WDR74: variants seen among roughly 807,000 people sequenced by gnomAD.
WDR74 encodes the protein WD repeat-containing protein 74.
WDR74 carries 31 observed loss-of-function variants against 45.6 expected under a neutral mutation model. That is an observed-to-expected ratio of 0.68 (90% confidence interval 0.51 to 0.92). The LOEUF (loss-of-function observed/expected upper bound fraction) is 0.92, where lower values mean the gene tolerates loss of function less well. Ranked by LOEUF, WDR74 falls within the 40% of genes least tolerant of loss-of-function variation. The pLI is 0.00. For missense variants in WDR74, 455 were observed against 497.2 expected, an observed-to-expected ratio of 0.92 and a Z score of 0.81; for synonymous variants, 191 against 192.4, an observed-to-expected ratio of 0.99 and a Z score of 0.06.
chr11:62,836,440 G>A (rs527481), intron 3 of WDR74: 42,518 of 205,666 alleles, frequency 0.21, 5,425 homozygotes, highest in Middle Eastern at 0.3. Flanking sequence ...GGCTGTACTG[G>A]TCTGTCTGAA....
upstream of WDR74, chr11:62,841,612 C>G (rs370889134): frequency 1.3e-5 from 2 of 152,094 alleles, no homozygotes; most frequent in East Asian, 1.9e-4. Context: ...TTGTTCTCTC[C>G]CCGAAGGGAG....
rs767241559 is a variant in WDR74 at position 62,834,436 on chromosome 11, G to A, written c.710C>T (p.Pro237Leu). ...CCCTCTAAACACTCACTTGCCTCCC[G>A]GAGTGAGGGTCATGGCTGTTAGTGG... The part of the protein sequence containing the change: ...EYPLTAMTLT[P>L]GGNSVIVGNT... The change falls in exon 7 of 11, where the codon CCG becomes CTG. Residue 237 changes from proline (P) to leucine (L), a missense_variant. By Grantham distance (98) the Pro-to-Leu change is moderately conservative. Coordinates refer to ENST00000278856, the MANE Select transcript of WDR74 (RefSeq NM_001369450.1). 39 of 1,234,998 alleles carry A rather than the reference G, an allele frequency of 3.2e-5. No individual in the cohort carries two copies. The highest frequency in any genetic ancestry group is 2.7e-4 in the South Asian group (23 of 84,782). The allele number at this position is 1,234,998 out of a possible 1,614,324, so 76.5% of individuals were successfully genotyped here.
chr11:62,841,571 T>A (rs116994331), upstream of WDR74: 1 of 152,180 alleles, frequency 6.6e-6, no homozygotes, highest in Admixed American at 6.5e-5. Context: ...GCTTGTACCC[T>A]AACTGATCGA....
intron 3 of WDR74, among the ~76,000 whole-genome samples, chr11:62,838,760 CAA>C (rs112966057): frequency 2.3e-4 from 23 of 99,574 alleles, no homozygotes; most frequent in African/African-American, 4.5e-4. Flanking sequence ...ACTCCGTCTC[CAA>C]AAAAAAAAAA....
At chr11:62,835,179 C>T (rs528071181) in intron 6 of WDR74, 1 of 488,270 alleles carries the variant, frequency 2.0e-6, no homozygotes, top group East Asian at 3.7e-5. Context: ...CCTATAATTC[C>T]CACAGTGAAG....
intron 3 of WDR74, among the ~76,000 whole-genome samples, chr11:62,838,635 G>T (rs1412917421): frequency 6.6e-6 from 1 of 151,816 alleles, no homozygotes; most frequent in Non-Finnish European, 1.5e-5. Context: ...GCAGACGCCT[G>T]TAATCCCAGG....
chr11:62,838,034 T>C (rs1590989269), intron 3 of WDR74, among the ~76,000 whole-genome samples: 1 of 151,892 alleles, frequency 6.6e-6, no homozygotes, highest in South Asian at 2.1e-4. Context: ...CCCCGGGAGG[T>C]TGAGGCTGTA....
intron 3 of WDR74, among the ~76,000 whole-genome samples, 188 bp downstream of exon 3, chr11:62,838,926 C>G (rs970817796): frequency 6.6e-6 from 1 of 152,142 alleles, no homozygotes; most frequent in Non-Finnish European, 1.5e-5. Context: ...CTCCCAGTGC[C>G]TGGAATTCAG....
In WDR74 at chr11:62,833,890, A is replaced by ACCCACGCACACTGCCT; in HGVS notation, c.807_822dup (p.Leu275ArgfsTer38). ...AGAGGCTTTGAAGGGTGGCACTGCA[A>ACCCACGCACACTGCCT]CCCACGCACACTGCCTGCCAGCCCC... On this transcript the variant is annotated frameshift_variant, in exon 9 of 11. Transcript: ENST00000278856. LOFTEE classifies it high-confidence loss of function. 6.2e-7 allele frequency: 1 copy of ACCCACGCACACTGCCT among 1,613,950 alleles called. No homozygotes were observed. The highest frequency in any genetic ancestry group is 8.5e-7 in the Non-Finnish European group (1 of 1,179,878).
upstream of WDR74, chr11:62,841,471 C>A (rs767221677): frequency 6.6e-6 from 1 of 152,224 alleles, no homozygotes; most frequent in African/African-American, 2.4e-5. Context: ...ACAAAACCTT[C>A]TCTCAACAAG....
intron 6 of WDR74, chr11:62,835,115 G>C: frequency 3.4e-6 from 1 of 297,770 alleles, no homozygotes; most frequent in Non-Finnish European, 6.3e-6. Context: ...GGCTGCATCA[G>C]GACCAGAACC....
At chr11:62,841,047 G>C (rs906891765), upstream of WDR74, among the ~76,000 whole-genome samples, 1 of 152,194 alleles carries the variant, frequency 6.6e-6, no homozygotes, top group African/African-American at 2.4e-5. Context: ...GGCCGGGCGC[G>C]GTGGCTCACG....
At chr11:62,841,702 T>G (rs75829596), upstream of WDR74, 1 of 152,212 alleles carries the variant, frequency 6.6e-6, no homozygotes, top group African/African-American at 2.4e-5. Context: ...CATCTCCTAT[T>G]TCCAAAAATC....
At chr11:62,838,622 G>A (rs990100356) in intron 3 of WDR74, among the ~76,000 whole-genome samples, 1 of 151,922 alleles carries the variant, frequency 6.6e-6, no homozygotes, top group Admixed American at 6.5e-5. Flanking sequence ...GCCGCGCGTG[G>A]TGGCAGACGC....
Position 62,839,155 on chromosome 11 carries a change from C to T in WDR74, c.252G>A (p.Pro84=). The T allele has an allele frequency of 1.2e-6, 2 of 1,613,684 alleles. No homozygotes were observed. The highest frequency in any genetic ancestry group is 2.2e-5 in the East Asian group (1 of 44,886). Residue 84 remains proline (P), a synonymous_variant, in exon 3 of 11, where the codon CCG becomes CCA. Transcript: ENST00000278856. Reference sequence around the variant, plus strand: ...GGCCACGGAACATGCCCTCCCCGCCCGGGCAGTGTCTCTGACCCTGGAATA... The same window carrying T: ...GGCCACGGAACATGCCCTCCCCGCCTGGGCAGTGTCTCTGACCCTGGAATA... ...DGIFQGQRHC[P]GGEGMFRGLA... is the part of the protein sequence containing the mutation.
chr11:62,839,157 G>A lies in WDR74; in HGVS notation c.250C>T (p.Pro84Ser). The A allele has an allele frequency of 1.9e-6, 3 of 1,613,676 alleles. No homozygotes were observed. The highest frequency in any genetic ancestry group is 1.1e-5 in the South Asian group (1 of 91,080). Residue 84 changes from proline to serine, a missense_variant, in exon 3 of 11, where the codon CCG (proline) becomes TCG (serine). Pro to Ser is a moderately conservative substitution (Grantham distance 74). Coordinates refer to ENST00000278856, the MANE Select transcript of WDR74 (RefSeq NM_001369450.1). ...CCACGGAACATGCCCTCCCCGCCCG[G>A]GCAGTGTCTCTGACCCTGGAATATG... ...DGIFQGQRHC[P>S]GGEGMFRGLA...
rs751254194 is a variant in WDR74 at position 62,834,337 on chromosome 11, G to A, written c.720-6C>T. The A allele has an allele frequency of 6.2e-7, 1 of 1,613,848 alleles. No individual in the cohort carries two copies. Among genetic ancestry groups the A allele is most frequent in the Non-Finnish European group, 8.5e-7 (1 of 1,179,896 alleles). On this transcript the variant is annotated splice_polypyrimidine_tract_variant and splice_region_variant and intron_variant, in intron 7 of 10. Transcript: ENST00000278856. ...TGTTTCCCACAATCACTGAGCTGAG[G>A]ATGAGACCAGAGGCAAGTGGGATCA...
intron 6 of WDR74, chr11:62,835,144 G>T (rs1843366662): frequency 5.3e-6 from 2 of 374,532 alleles, no homozygotes; most frequent in Non-Finnish European, 9.8e-6. Flanking sequence ...TTAACACCCA[G>T]CCCAATGTCC....
In WDR74 at chr11:62,839,176, G is replaced by A. The variant is rs1331047491; in HGVS notation, c.231C>T (p.Phe77=). ...CGCCCGGGCAGTGTCTCTGACCCTGGAATATGCCATCCTCGGTGCTGAAGT... is the reference window on the plus strand; with the variant it reads ...CGCCCGGGCAGTGTCTCTGACCCTGAAATATGCCATCCTCGGTGCTGAAGT... ...VKHFSTEDGI[F]QGQRHCPGGE... Residue 77 remains phenylalanine (F), a synonymous_variant, in exon 3 of 11, where the codon TTC becomes TTT. Transcript: ENST00000278856. 6 of 1,613,652 alleles carry A rather than the reference G, an allele frequency of 3.7e-6. No individual in the cohort carries two copies. In the Admixed American group the frequency reaches 5.0e-5, roughly 13 times the overall value.
Sources: gnomAD v4.1 joint callset for allele counts (sites outside exome capture counted in the v4.1 genomes callset) on GRCh38, gnomAD v4.1.1 for gene constraint, MANE v1.5 for transcripts, NCBI Gene and HGNC (gene_info 2026-07-23, HGNC 2026-07-21) for gene names.